Variants in FZD3 observed in about 807,000 individuals in gnomAD.
FZD3 encodes frizzled-3.
FZD3 carries 30 observed loss-of-function variants against 60.7 expected under a neutral mutation model. The observed-to-expected ratio is 0.49, with a 90% CI of 0.37 to 0.67. FZD3 has a LOEUF of 0.67. Among genes scored for constraint, FZD3 ranks in the 30% least tolerant of loss-of-function variants. FZD3 has a pLI of 0.00. For synonymous variants in FZD3, 246 were observed against 275.2 expected, an observed-to-expected ratio of 0.89 and a Z score of 1.05; for missense variants, 605 against 838.7, an observed-to-expected ratio of 0.72 and a Z score of 3.44.
chr8:28,551,814 T>C, intron 6 of FZD3, 63 bp downstream of exon 6: 2 of 1,306,450 alleles, frequency 1.5e-6, no homozygotes, highest in East Asian at 2.3e-5. Context: ...TTTTTTGTGT[T>C]GCTTATGTTA....
intron 3 of FZD3, among the ~76,000 whole-genome samples, chr8:28,504,307 G>C (rs192900853): frequency 3.3e-5 from 5 of 152,196 alleles, no homozygotes; most frequent in Admixed American, 6.5e-5. Context: ...TGGTTGAAGA[G>C]AGAGAATTGG....
chr8:28,511,029 T>TC (rs1432489966), intron 3 of FZD3, among the ~76,000 whole-genome samples: 1 of 151,456 alleles, frequency 6.6e-6, no homozygotes, highest in Non-Finnish European at 1.5e-5. Context: ...GGAGTGAGAC[T>TC]CCGTCTCAAA....
At chr8:28,516,933 T>C (rs1281166110) in intron 3 of FZD3, among the ~76,000 whole-genome samples, 1 of 152,192 alleles carries the variant, frequency 6.6e-6, no homozygotes, top group Admixed American at 6.5e-5. Flanking sequence ...ATTAGTGTTC[T>C]TCTGACGCTC....
rs1164012120 is a variant in FZD3 at position 28,562,832 on chromosome 8, A to C, written c.1822A>C (p.Arg608=). 1.9e-6 allele frequency: 3 copies of C among 1,612,806 alleles called. No homozygotes were observed. In the African/African-American group the frequency reaches 4.0e-5, roughly 22 times the overall value. The part of the protein sequence containing the change: ...TPCSYRGMEE[R]LPHGSMSRLT... ...CTGCAGTTACAGAGGAATGGAGGAG[A>C]GACTACCTCATGGCAGCATGTCACG... The change falls in exon 8 of 8, where the codon AGA becomes CGA. Residue 608 remains arginine, a synonymous_variant. Transcript: ENST00000240093.
At chr8:28,556,449 A>G (rs1224507625) in intron 7 of FZD3, among the ~76,000 whole-genome samples, 4 of 152,234 alleles carry the variant, frequency 2.6e-5, no homozygotes, top group African/African-American at 9.6e-5. Flanking sequence ...TGCCTCTTTA[A>G]TAATCTTGTA....
intron 5 of FZD3, among the ~76,000 whole-genome samples, chr8:28,536,027 A>G (rs1412080606): frequency 6.6e-6 from 1 of 152,218 alleles, no homozygotes; most frequent in Non-Finnish European, 1.5e-5. Context: ...AAATACAGTA[A>G]TATCTACCTC....
chr8:28,501,429 A>G lies in FZD3; in HGVS notation c.-344-1241A>G, dbSNP rs554067026. On this transcript the variant is annotated intron_variant, in intron 2 of 7. Coordinates refer to ENST00000240093, the MANE Select transcript of FZD3 (RefSeq NM_017412.4). ...AAGCAGTTCCAGGTCCCACAATCTA[A>G]GTTATCATAGGTGCTAGTATTTAAG... 1.6e-4 allele frequency among the ~76,000 whole-genome samples: 24 copies of G among 152,284 alleles called. 1 individual carries two copies. In the South Asian group the frequency reaches 4.8e-3, roughly 30 times the overall value.
At chr8:28,502,448 G>A (rs1393357030) in intron 2 of FZD3, among the ~76,000 whole-genome samples, 1 of 152,076 alleles carries the variant, frequency 6.6e-6, no homozygotes, top group Non-Finnish European at 1.5e-5. Flanking sequence ...AAGCAACTGA[G>A]GGATGAAATT....
intron 5 of FZD3, among the ~76,000 whole-genome samples, chr8:28,541,040 G>A (rs915681626): frequency 6.6e-6 from 1 of 152,020 alleles, no homozygotes; most frequent in Non-Finnish European, 1.5e-5. Flanking sequence ...TTCTTTAGTA[G>A]GCTTTGCCTT....
intron 4 of FZD3, among the ~76,000 whole-genome samples, chr8:28,522,166 A>G (rs1160633226): frequency 6.2e-5 from 9 of 145,172 alleles, no homozygotes; most frequent in Admixed American, 2.1e-4. Context: ...GTGCAGTGGC[A>G]TGATCTTGGC....
At chr8:28,495,031 C>T (rs1803805965) in intron 1 of FZD3, among the ~76,000 whole-genome samples, 1 of 152,216 alleles carries the variant, frequency 6.6e-6, no homozygotes. Context: ...GCTGCTGGAT[C>T]CCCGAGGGTC....
intron 4 of FZD3, among the ~76,000 whole-genome samples, chr8:28,525,995 G>A (rs549067932): frequency 6.6e-6 from 1 of 152,230 alleles, no homozygotes; most frequent in South Asian, 2.1e-4. Context: ...AACCATTTAT[G>A]GAGATGGAGA....
At chr8:28,544,485 T>TA (rs1260752005) in intron 5 of FZD3, among the ~76,000 whole-genome samples, 2 of 152,226 alleles carry the variant, frequency 1.3e-5, no homozygotes, top group Non-Finnish European at 2.9e-5. Flanking sequence ...TAATTTTTGA[T>TA]AATTTCTTAG....
intron 5 of FZD3, among the ~76,000 whole-genome samples, chr8:28,551,266 T>G (rs1275669856): frequency 6.6e-6 from 1 of 152,246 alleles, no homozygotes; most frequent in Admixed American, 6.5e-5. Flanking sequence ...GCGCAGTGGC[T>G]CACGCCTGTA....
At chr8:28,526,363 C>T (rs947154682) in intron 4 of FZD3, among the ~76,000 whole-genome samples, 1 of 152,172 alleles carries the variant, frequency 6.6e-6, no homozygotes, top group African/African-American at 2.4e-5. Flanking sequence ...ACTGCTAATA[C>T]TGATTTAAAA....
At chr8:28,514,790 T>C (rs1410200541) in intron 3 of FZD3, among the ~76,000 whole-genome samples, 1 of 152,246 alleles carries the variant, frequency 6.6e-6, no homozygotes, top group Non-Finnish European at 1.5e-5. Context: ...TTCCTCCTTA[T>C]GCCCACCAAG....
At chr8:28,533,854 GT>G (rs1414181624) in intron 5 of FZD3, among the ~76,000 whole-genome samples, 1 of 152,086 alleles carries the variant, frequency 6.6e-6, no homozygotes, top group Non-Finnish European at 1.5e-5. Context: ...TGTGGCTAAA[GT>G]TTTATTCTAT....
At chr8:28,531,780 G>C (rs988188403) in intron 5 of FZD3, among the ~76,000 whole-genome samples, 1 of 152,012 alleles carries the variant, frequency 6.6e-6, no homozygotes, top group Non-Finnish European at 1.5e-5. Flanking sequence ...GCTCTGTTAG[G>C]TTATTTGCTT....
intron 3 of FZD3, among the ~76,000 whole-genome samples, chr8:28,516,836 ATT>A (rs1162382002): frequency 1.3e-5 from 2 of 151,700 alleles, no homozygotes; most frequent in East Asian, 3.9e-4. Context: ...TTAGTTGTGC[ATT>A]CTTTTATTGT....
Sources: gnomAD v4.1 joint callset for allele counts (sites outside exome capture counted in the v4.1 genomes callset) on GRCh38, gnomAD v4.1.1 for gene constraint, MANE v1.5 for transcripts, NCBI Gene and HGNC (gene_info 2026-07-23, HGNC 2026-07-21) for gene names.